The following CALD1 variants were observed in gnomAD, a reference collection of about 807,000 sequenced individuals.
The protein encoded by CALD1 is caldesmon.
Under a neutral mutation model 99.9 loss-of-function variants are expected in CALD1, and 33 were observed. The observed-to-expected ratio is 0.33, with a 90% CI of 0.25 to 0.44. The LOEUF (loss-of-function observed/expected upper bound fraction) is 0.44, where lower values mean the gene tolerates loss of function less well. CALD1 is among the 20% of genes least tolerant of loss of function. The probability of loss-of-function intolerance (pLI) is 1.00; values close to 1 mark genes in which losing one functional copy is unlikely to be tolerated. For missense variants in CALD1, 861 were observed against 962.1 expected (o/e 0.89, Z 1.39); for synonymous variants, 310 against 325.0 (o/e 0.95, Z 0.50).
intron 3 of CALD1, among the ~76,000 whole-genome samples, chr7:134,874,642 A>G (rs1801263828): frequency 6.6e-6 from 1 of 152,206 alleles, no homozygotes; most frequent in Admixed American, 6.5e-5. Context: ...AGTTCCTCTC[A>G]CTGATCAGAA....
intron 1 of CALD1, among the ~76,000 whole-genome samples, chr7:134,802,174 A>ATGTGTG (rs58896037): frequency 6.6e-6 from 1 of 151,332 alleles, no homozygotes; most frequent in African/African-American, 2.4e-5. Flanking sequence ...GTCAACATAT[A>ATGTGTG]TGTGTGTGTG....
chr7:134,886,928 A>C (rs564722119), intron 3 of CALD1, among the ~76,000 whole-genome samples: 1 of 152,308 alleles, frequency 6.6e-6, no homozygotes, highest in South Asian at 2.1e-4. Flanking sequence ...ACTTAGTGCA[A>C]TGACTTGCTT....
intron 3 of CALD1, among the ~76,000 whole-genome samples, chr7:134,908,872 C>G (rs1803591669): frequency 1.3e-5 from 2 of 152,088 alleles, no homozygotes; most frequent in African/African-American, 4.8e-5. Flanking sequence ...TTGGTAGATT[C>G]AGTTCGGTTG....
At chr7:134,828,032 TG>T (rs1554437541) in intron 1 of CALD1, among the ~76,000 whole-genome samples, 1 of 152,250 alleles carries the variant, frequency 6.6e-6, no homozygotes, top group Non-Finnish European at 1.5e-5. Flanking sequence ...GTTTCGTTGA[TG>T]TGAACAGATA....
At chr7:134,890,682 T>C (rs1443896354) in intron 3 of CALD1, among the ~76,000 whole-genome samples, 1 of 152,198 alleles carries the variant, frequency 6.6e-6, no homozygotes, top group African/African-American at 2.4e-5. Context: ...CCTCAGGAAC[T>C]GGGATTTGGC....
chr7:134,938,395 A>T (rs1332978637), intron 6 of CALD1, among the ~76,000 whole-genome samples: 1 of 152,154 alleles, frequency 6.6e-6, no homozygotes, highest in Non-Finnish European at 1.5e-5. Flanking sequence ...CCCATGTATT[A>T]TTCCACTGGA....
rs182572374 is a variant in CALD1, at chr7:134,755,372, G to T, written c.-130+11009G>T. On this transcript the variant is annotated intron_variant, in intron 1 of 13. Transcript: ENST00000417172. ...ATTTAAGTATTTTTTTTCATTACTG[G>T]CGTGGTGAAAATATGCTTCATTATT... is the stretch of plus-strand genomic sequence containing the variant. Among the ~76,000 whole-genome samples, 5 of 152,190 alleles carry T rather than the reference G, an allele frequency of 3.3e-5. No homozygotes were observed. In the East Asian group the frequency reaches 9.6e-4, roughly 29 times the overall value.
At chr7:134,726,353 ATAT>A in the CALD1 span, among the ~76,000 whole-genome samples, 14 of 147,606 alleles carry the variant, frequency 9.5e-5, no homozygotes, top group East Asian at 1.9e-3. Context: ...TGATCTTTAT[ATAT>A]TATATGTATA....
At chr7:134,846,051 T>C (rs1799839490) in intron 2 of CALD1, among the ~76,000 whole-genome samples, 1 of 152,208 alleles carries the variant, frequency 6.6e-6, no homozygotes, top group Non-Finnish European at 1.5e-5. Context: ...CCAACTCCCC[T>C]GCTGCCTGCT....
intron 3 of CALD1, among the ~76,000 whole-genome samples, chr7:134,915,230 C>T (rs1804120672): frequency 6.6e-6 from 1 of 152,224 alleles, no homozygotes; most frequent in Admixed American, 6.5e-5. Context: ...GCCCAGAGCT[C>T]ACCACTCTGA....
Position 134,752,838 on chromosome 7 carries a change from T to TA in CALD1, c.-130+8481dup, listed in dbSNP as rs201956174. 2.8e-3 allele frequency among the ~76,000 whole-genome samples: 417 copies of TA among 151,524 alleles called. 1 individual carries two copies. Among genetic ancestry groups the TA allele is most frequent in the Admixed American group, 0.019 (286 of 15,184 alleles). On this transcript the variant is annotated intron_variant, in intron 1 of 13. Coordinates refer to the CALD1 transcript ENST00000417172. ...CAACATGGTGAAACACCATCTCTACTAAAAAATACAAAAATTAGCCAGGCG... is the reference window on the plus strand; with the variant it reads ...CAACATGGTGAAACACCATCTCTACTAAAAAAATACAAAAATTAGCCAGGCG...
intron 2 of CALD1, among the ~76,000 whole-genome samples, chr7:134,864,600 G>A (rs946304659): frequency 5.3e-5 from 8 of 151,932 alleles, no homozygotes; most frequent in South Asian, 2.1e-4. Context: ...GGGTTTCACC[G>A]TGTTGGCCAG....
At chr7:134,934,522 T>TA (rs1329269954) in intron 5 of CALD1, among the ~76,000 whole-genome samples, 2 of 151,908 alleles carry the variant, frequency 1.3e-5, no homozygotes, top group African/African-American at 4.8e-5. Flanking sequence ...GACGTTGAAT[T>TA]AAAAAAATGA....
Position 134,897,642 on chromosome 7 carries a change from A to C in CALD1, c.71+29838A>C, listed in dbSNP as rs1802675900. Among the ~76,000 whole-genome samples, 3 of 151,994 alleles carry C rather than the reference A, an allele frequency of 2.0e-5. No homozygotes were observed. The South Asian group carries it at 6.2e-4, about 32-fold the overall frequency. On this transcript the variant is annotated intron_variant, in intron 3 of 14. Coordinates refer to ENST00000361675, the MANE Select transcript of CALD1 (RefSeq NM_033138.4). ...AAGCTATGTTGGCTGGTGACAACCCAGGCTGCCAGCTACAAGGGTCAGCAT... is the reference window on the plus strand; with the variant it reads ...AAGCTATGTTGGCTGGTGACAACCCCGGCTGCCAGCTACAAGGGTCAGCAT...
intron 1 of CALD1, among the ~76,000 whole-genome samples, chr7:134,782,249 CG>C (rs1334927221): frequency 1.3e-5 from 2 of 152,040 alleles, no homozygotes; most frequent in African/African-American, 2.4e-5. Flanking sequence ...GAAATGTGGT[CG>C]GGGGACAGGA....
At chr7:134,953,532 G>A (rs1308909698) in intron 9 of CALD1, among the ~76,000 whole-genome samples, 2 of 149,242 alleles carry the variant, frequency 1.3e-5, no homozygotes, top group Middle Eastern at 3.2e-3. Flanking sequence ...AAAAAAAAAA[G>A]AAAAGAAAAA....
chr7:134,797,883 T>C (rs1797807067), intron 1 of CALD1, among the ~76,000 whole-genome samples: 1 of 152,188 alleles, frequency 6.6e-6, no homozygotes, highest in Admixed American at 6.5e-5. Flanking sequence ...TGAGCCACCA[T>C]GGCTGGCCAA....
intron 1 of CALD1, among the ~76,000 whole-genome samples, chr7:134,794,186 C>G (rs546020320): frequency 2.0e-5 from 3 of 152,068 alleles, no homozygotes; most frequent in Non-Finnish European, 4.4e-5. Context: ...GACTGTTCAC[C>G]CCTTCAGCAC....
chr7:134,872,012 C>G (rs1240417235), intron 3 of CALD1, among the ~76,000 whole-genome samples: 1 of 152,194 alleles, frequency 6.6e-6, no homozygotes, highest in Non-Finnish European at 1.5e-5. Flanking sequence ...CCACATATCT[C>G]CTTCTAAGGG....
Sources: gnomAD v4.1 joint callset for allele counts (sites outside exome capture counted in the v4.1 genomes callset) on GRCh38, gnomAD v4.1.1 for gene constraint, MANE v1.5 for transcripts, NCBI Gene and HGNC (gene_info 2026-07-23, HGNC 2026-07-21) for gene names.